Variants in CENPP observed in about 807,000 individuals in gnomAD.
CENPP encodes the protein centromere protein P.
A neutral mutation model predicts 35.6 loss-of-function variants in CENPP; 24 were observed. The observed-to-expected ratio is 0.67, with a 90% CI of 0.49 to 0.95. CENPP has a LOEUF of 0.95. Ranked by LOEUF, CENPP falls within the 40% of genes least tolerant of loss-of-function variation. The pLI is 0.00. For synonymous variants in CENPP, 120 were observed against 125.5 expected (o/e 0.96, Z 0.29); for missense variants, 332 against 345.3 (o/e 0.96, Z 0.31).
intron 5 of CENPP, chr9:92,496,233 A>G: frequency 1.3e-6 from 2 of 1,495,942 alleles, no homozygotes; most frequent in Non-Finnish European, 1.8e-6. Flanking sequence ...TAACAGGAGG[A>G]TTATGTCTCT....
At chr9:92,435,089 A>G (rs770864893) in intron 5 of CENPP, among the ~76,000 whole-genome samples, 4 of 152,174 alleles carry the variant, frequency 2.6e-5, no homozygotes, top group Non-Finnish European at 4.4e-5. Context: ...ACTGTGTACA[A>G]CCTTAGATGT....
intron 5 of CENPP, among the ~76,000 whole-genome samples, chr9:92,549,654 AAAAAC>A (rs1349585387): frequency 7.0e-6 from 1 of 143,214 alleles, no homozygotes; most frequent in Non-Finnish European, 1.5e-5. Flanking sequence ...CTCAAAAAAA[AAAAAC>A]AAAACAAAAC....
intron 5 of CENPP, among the ~76,000 whole-genome samples, chr9:92,420,725 G>A (rs565059151): frequency 6.6e-6 from 1 of 151,472 alleles, no homozygotes; most frequent in South Asian, 2.1e-4. Flanking sequence ...ACAAGAAAAT[G>A]CCAAAATAGC....
chr9:92,561,990 T>C (rs1443653054), intron 5 of CENPP, among the ~76,000 whole-genome samples: 1 of 152,166 alleles, frequency 6.6e-6, no homozygotes, highest in Non-Finnish European at 1.5e-5. Context: ...GAAAAGTCAC[T>C]GGTCAGCACT....
intron 5 of CENPP, chr9:92,393,331 CT>C: frequency 9.9e-7 from 1 of 1,007,836 alleles, no homozygotes; most frequent in Non-Finnish European, 1.4e-6. Context: ...ATTATGAATG[CT>C]ATTACTAATT....
Position 92,357,555 on chromosome 9 carries a change from C to T in CENPP, c.467+11768C>T, listed in dbSNP as rs563700732. Among the ~76,000 whole-genome samples, 131 of 151,454 alleles carry T rather than the reference C, an allele frequency of 8.6e-4. 1 individual carries two copies. Among genetic ancestry groups the T allele is most frequent in the South Asian group, 1.9e-3 (9 of 4,798 alleles). On this transcript the variant is annotated intron_variant, in intron 4 of 7. Transcript: ENST00000375587. ...TGTTGCCCAGGCTGGAGTTCAATGG[C>T]GCGATCTCAGCTCACCGCAACCTCT...
At chr9:92,581,365 G>T (rs1850420392) in intron 5 of CENPP, among the ~76,000 whole-genome samples, 1 of 151,838 alleles carries the variant, frequency 6.6e-6, no homozygotes, top group African/African-American at 2.4e-5. Flanking sequence ...TCTGTGTCAA[G>T]AAACCAAATA....
chr9:92,609,551 G>C (rs1465880246), intron 5 of CENPP, among the ~76,000 whole-genome samples: 1 of 152,210 alleles, frequency 6.6e-6, no homozygotes, highest in Non-Finnish European at 1.5e-5. Flanking sequence ...GGGCTTGCAT[G>C]AGACTTAAGC....
rs181847998 is a variant in CENPP at position 92,464,856 on chromosome 9, T to C, written c.564+84997T>C. The C allele has an allele frequency of 2.8e-5, 33 of 1,174,330 alleles. No homozygotes were observed. The Admixed American group carries it at 3.2e-4, about 11-fold the overall frequency. 72.7% of individuals were successfully genotyped at this position (1,174,330 alleles called of 1,614,324 possible). On this transcript the variant is annotated intron_variant, in intron 5 of 7. Transcript: ENST00000375587. ...ATACTGCACAGTTTACAATATTAGA[T>C]TGAATCGTTATTGAAAGGTGACAAC...
chr9:92,546,893 G>A (rs1045253607), intron 5 of CENPP, among the ~76,000 whole-genome samples: 9 of 152,174 alleles, frequency 5.9e-5, no homozygotes, highest in African/African-American at 2.2e-4. Flanking sequence ...CTTCCCACAA[G>A]AGATACCACA....
chr9:92,552,475 T>A (rs1245970702), intron 5 of CENPP, among the ~76,000 whole-genome samples: 1 of 152,168 alleles, frequency 6.6e-6, no homozygotes, highest in East Asian at 1.9e-4. Context: ...TGTAGAAGTG[T>A]TCCCTGTTCA....
intron 5 of CENPP, chr9:92,417,146 G>A (rs762509309): frequency 1.2e-6 from 2 of 1,613,748 alleles, no homozygotes; most frequent in Non-Finnish European, 1.7e-6. Context: ...TGGAAGCTTA[G>A]CAAACACACC....
chr9:92,333,968 A>G (rs142607692), intron 2 of CENPP, among the ~76,000 whole-genome samples: 3 of 152,182 alleles, frequency 2.0e-5, no homozygotes, highest in Admixed American at 1.3e-4. Context: ...TATTTCTCCA[A>G]ACATTTTTTA....
chr9:92,571,664 A>G (rs1031556656), intron 5 of CENPP, among the ~76,000 whole-genome samples: 1 of 152,068 alleles, frequency 6.6e-6, no homozygotes, highest in Non-Finnish European at 1.5e-5. Flanking sequence ...TGATCTGTCT[A>G]ATGTTGATAG....
chr9:92,517,365 GC>G, intron 5 of CENPP: 1 of 509,380 alleles, frequency 2.0e-6, no homozygotes, highest in East Asian at 3.4e-5. Context: ...CCAAAGCAGA[GC>G]CCTTAATGCA....
chr9:92,501,857 C>T (rs1284233013), intron 5 of CENPP, among the ~76,000 whole-genome samples: 2 of 152,234 alleles, frequency 1.3e-5, no homozygotes, highest in Non-Finnish European at 2.9e-5. Flanking sequence ...TTGCTTCTGA[C>T]TCCCTCCCCC....
intron 2 of CENPP, among the ~76,000 whole-genome samples, chr9:92,337,210 C>T (rs539635754): frequency 5.3e-5 from 8 of 151,188 alleles, no homozygotes; most frequent in East Asian, 1.9e-4. Context: ...CCCAGCTACT[C>T]GGGAGGCTGA....
Position 92,526,055 on chromosome 9 carries a change from G to A in CENPP, c.565-85259G>A, listed in dbSNP as rs73522323. Among the ~76,000 whole-genome samples, 888 of 151,868 alleles carry A rather than the reference G, an allele frequency of 5.8e-3. 8 individuals are homozygous for A. Among genetic ancestry groups the A allele is most frequent in the African/African-American group, 0.02 (832 of 41,402 alleles). On this transcript the variant is annotated intron_variant, in intron 5 of 7. Coordinates refer to ENST00000375587, the MANE Select transcript of CENPP (RefSeq NM_001012267.3). The stretch of plus-strand genomic sequence containing the variant: ...ATCTATTTAAACAAACATTAACTGC[G>A]CAACAGCCTGAGGTGGTTCCTTCAG...
chr9:92,451,534 G>T (rs1844708798), intron 5 of CENPP, among the ~76,000 whole-genome samples: 1 of 152,168 alleles, frequency 6.6e-6, no homozygotes, highest in South Asian at 2.1e-4. Context: ...GTAGCATGAT[G>T]CCTCCAGCTT....
Sources: gnomAD v4.1 joint callset for allele counts (sites outside exome capture counted in the v4.1 genomes callset) on GRCh38, gnomAD v4.1.1 for gene constraint, MANE v1.5 for transcripts, NCBI Gene and HGNC (gene_info 2026-07-23, HGNC 2026-07-21) for gene names.